Variants in OR3A2 observed in about 807,000 individuals in gnomAD.
OR3A2 encodes olfactory receptor family 3 subfamily A member 2.
For synonymous variants in OR3A2, 126 were observed against 159.3 expected (o/e 0.79, Z 1.57); for missense variants, 318 against 392.8 (o/e 0.81, Z 1.61).
At chr17:3,332,485 T>C (rs1887928936) in intron 3 of OR3A2, among the ~76,000 whole-genome samples, 1 of 152,314 alleles carries the variant, frequency 6.6e-6, no homozygotes, top group East Asian at 1.9e-4. Flanking sequence ...CGTCACCCCT[T>C]TCTTTGACTC....
rs2048751070 is a variant in OR3A2, at chr17:3,278,002, G to A, written c.916C>T (p.Gln306Ter). 1.2e-6 allele frequency: 2 copies of A among 1,601,114 alleles called. No individual in the cohort carries two copies. Among genetic ancestry groups the A allele is most frequent in the African/African-American group, 1.3e-5 (1 of 74,644 alleles). ...AGTGATCTCCTCCCCAAAAATATTT[G>A]CCACAGAGCACCCTGAACATCAGGG... The change falls in exon 2 of 2, where the codon CAA (glutamine) becomes TAA (stop). Residue 306 changes from glutamine (Q) to a stop codon, truncating the protein, a stop_gained. Transcript: ENST00000642052. LOFTEE classifies it low-confidence loss of function (END_TRUNC).
intron 2 of OR3A2, among the ~76,000 whole-genome samples, chr17:3,370,900 C>T (rs1358770885): frequency 6.6e-6 from 1 of 152,220 alleles, no homozygotes; most frequent in Non-Finnish European, 1.5e-5. Context: ...CCATTTAACC[C>T]TGAGTGGACA....
rs9902022 is a variant in OR3A2 at position 3,283,561 on chromosome 17, A to G, written c.-7+797T>C. 1.7e-3 allele frequency among the ~76,000 whole-genome samples: 257 copies of G among 152,288 alleles called. 1 individual carries two copies. Among genetic ancestry groups the G allele is most frequent in the African/African-American group, 5.7e-3 (235 of 41,552 alleles). ...TTTCTTAAATAAATGGATGGTTAAA[A>G]TGTGTACGATATCATCAGTATGAGC... On this transcript the variant is annotated intron_variant, in intron 1 of 1. Transcript: ENST00000642052.
At chr17:3,312,824 A>C (rs182470668) in intron 3 of OR3A2, among the ~76,000 whole-genome samples, 2 of 152,252 alleles carry the variant, frequency 1.3e-5, no homozygotes, top group East Asian at 3.9e-4. Context: ...GGGTTTTACC[A>C]TATTGGCCAG....
At chr17:3,362,863 C>A (rs1209232694) in intron 2 of OR3A2, among the ~76,000 whole-genome samples, 2 of 151,798 alleles carry the variant, frequency 1.3e-5, no homozygotes, top group African/African-American at 4.9e-5. Flanking sequence ...CACCCACAGG[C>A]CCAACACTAT....
At chr17:3,350,277 G>A (rs1419062004) in intron 2 of OR3A2, among the ~76,000 whole-genome samples, 1 of 152,014 alleles carries the variant, frequency 6.6e-6, no homozygotes, top group African/African-American at 2.4e-5. Context: ...AAAATTGATA[G>A]CCTGCTAGCA....
intron 3 of OR3A2, among the ~76,000 whole-genome samples, chr17:3,330,868 G>A (rs1343992538): frequency 6.6e-6 from 1 of 151,896 alleles, no homozygotes; most frequent in African/African-American, 2.4e-5. Flanking sequence ...TCCTTTCCAT[G>A]TTTAGCACTT....
chr17:3,351,877 C>G (rs942091398), intron 2 of OR3A2, among the ~76,000 whole-genome samples: 1 of 151,970 alleles, frequency 6.6e-6, no homozygotes, highest in Admixed American at 6.6e-5. Flanking sequence ...GAAATAACAC[C>G]GCATATCTAC....
chr17:3,353,148 T>A (rs1394469201), intron 2 of OR3A2, among the ~76,000 whole-genome samples: 1 of 151,146 alleles, frequency 6.6e-6, no homozygotes, highest in East Asian at 1.9e-4. Flanking sequence ...TATATCTAGG[T>A]TAATTTTAAT....
intron 2 of OR3A2, among the ~76,000 whole-genome samples, chr17:3,348,018 TG>T (rs1407871177): frequency 1.3e-5 from 2 of 152,234 alleles, no homozygotes; most frequent in Non-Finnish European, 2.9e-5. Context: ...TTTTTTCATG[TG>T]TTTTTTGGCT....
At chr17:3,300,719 T>C (rs2048956686) in intron 3 of OR3A2, among the ~76,000 whole-genome samples, 1 of 152,020 alleles carries the variant, frequency 6.6e-6, no homozygotes, top group African/African-American at 2.4e-5. Flanking sequence ...TACTTTAAGT[T>C]CTAGGGTACA....
intron 1 of OR3A2, among the ~76,000 whole-genome samples, chr17:3,279,773 G>C (rs1266292835): frequency 6.6e-6 from 1 of 152,092 alleles, no homozygotes; most frequent in Non-Finnish European, 1.5e-5. Flanking sequence ...GGGTGACAGA[G>C]CGAGGCTCCA....
intron 2 of OR3A2, among the ~76,000 whole-genome samples, chr17:3,348,320 C>G (rs1024047931): frequency 6.6e-6 from 1 of 152,064 alleles, no homozygotes; most frequent in African/African-American, 2.4e-5. Flanking sequence ...AGTCCTTGCC[C>G]ATGCCTATGT....
intron 3 of OR3A2, among the ~76,000 whole-genome samples, chr17:3,301,885 A>G (rs1256849520): frequency 6.6e-6 from 1 of 152,122 alleles, no homozygotes; most frequent in Non-Finnish European, 1.5e-5. Context: ...TAACGAAGGG[A>G]TCAATGTGCA....
chr17:3,333,871 T>C (rs1247447213), intron 3 of OR3A2, among the ~76,000 whole-genome samples: 1 of 152,056 alleles, frequency 6.6e-6, no homozygotes, highest in Non-Finnish European at 1.5e-5. Flanking sequence ...AAAGGTCTAA[T>C]ATCCAGAGTC....
At chr17:3,330,243 C>G (rs1313521741) in intron 3 of OR3A2, among the ~76,000 whole-genome samples, 1 of 151,560 alleles carries the variant, frequency 6.6e-6, no homozygotes, top group African/African-American at 2.4e-5. Context: ...TGGTGCAGAG[C>G]TGAGTTCAAT....
chr17:3,332,558 C>T (rs914857568), intron 3 of OR3A2, among the ~76,000 whole-genome samples: 2 of 152,244 alleles, frequency 1.3e-5, no homozygotes, highest in Non-Finnish European at 2.9e-5. Context: ...CCTGCTTCAG[C>T]TGGCGCACGG....
intron 2 of OR3A2, among the ~76,000 whole-genome samples, chr17:3,360,873 T>C (rs1436586113): frequency 6.6e-6 from 1 of 151,674 alleles, no homozygotes; most frequent in East Asian, 1.9e-4. Context: ...CTTTGTTCTT[T>C]TGGGTTAGGA....
exon 2 of OR3A2, chr17:3,277,868 A>G (rs928784477): frequency 9.7e-6 from 12 of 1,235,432 alleles, no homozygotes; most frequent in African/African-American, 1.5e-5. Context: ...AAGCATCAGG[A>G]GATAGGAAAA....
Sources: gnomAD v4.1 joint callset for allele counts (sites outside exome capture counted in the v4.1 genomes callset) on GRCh38, gnomAD v4.1.1 for gene constraint, MANE v1.5 for transcripts, NCBI Gene and HGNC (gene_info 2026-07-23, HGNC 2026-07-21) for gene names.